CCDC66: variants seen among roughly 807,000 people sequenced by gnomAD.
CCDC66 encodes the protein coiled-coil domain-containing protein 66.
In CCDC66, 133 loss-of-function variants were observed where a neutral mutation model predicts 128.3. The observed-to-expected ratio is 1.04, with a 90% CI of 0.90 to 1.20. The LOEUF (loss-of-function observed/expected upper bound fraction) is 1.20, where lower values mean the gene tolerates loss of function less well. CCDC66 is among the 50% of genes most tolerant of loss of function. CCDC66 has a pLI of 0.00. For synonymous variants in CCDC66, 387 were observed against 357.0 expected, an observed-to-expected ratio of 1.08 and a Z score of -0.95; for missense variants, 1,126 against 1,075.5, an observed-to-expected ratio of 1.05 and a Z score of -0.66.
chr3:56,609,692 T>G (rs2074537127), intron 10 of CCDC66, among the ~76,000 whole-genome samples: 1 of 152,242 alleles, frequency 6.6e-6, no homozygotes, highest in South Asian at 2.1e-4. Flanking sequence ...GGTCCTCCTG[T>G]GTGATTTATG....
In CCDC66 at chr3:56,619,437, T is replaced by C. The variant is rs533442111; in HGVS notation, c.2545T>C (p.Tyr849His). ...GISESSHFIP[Y>H]VRTNEIYYLD... is the part of the protein sequence containing the mutation. The stretch of plus-strand genomic sequence containing the variant: ...TTCTGAATCATCCCATTTTATTCCG[T>C]ATGTTCGAACAAATGAGATCTATTA... The change falls in exon 16 of 18, where the codon TAT becomes CAT. Residue 849 changes from tyrosine (Y) to histidine (H), a missense_variant. Transcript: ENST00000394672. The C allele has an allele frequency of 2.5e-6, 4 of 1,614,040 alleles. No homozygotes were observed. The African/African-American group carries it at 5.3e-5, about 22-fold the overall frequency.
chr3:56,563,595 T>C (rs1577237821), intron 3 of CCDC66, 89 bp from the exon 4 acceptor site: 1 of 1,066,738 alleles, frequency 9.4e-7, no homozygotes, highest in Non-Finnish European at 1.3e-6. Context: ...GAAAAAAGTT[T>C]AGAGGACTGA....
At chr3:56,580,869 A>G (rs28846202) in intron 7 of CCDC66, among the ~76,000 whole-genome samples, 2,034 of 151,766 alleles carry the variant, frequency 0.013, 49 homozygotes, top group African/African-American at 0.045. Context: ...ACTTTGGTGA[A>G]TCTGACAATT....
Position 56,593,495 on chromosome 3 carries a change from A to C in CCDC66, c.1073A>C (p.Glu358Ala), listed in dbSNP as rs1231169263. Residue 358 changes from glutamate to alanine, a missense_variant, in exon 9 of 18, where the codon GAG becomes GCG. Coordinates refer to ENST00000394672, the MANE Select transcript of CCDC66 (RefSeq NM_001141947.3). Reference sequence around the variant, plus strand: ...ATTCTTATTTGTCATCATTAGGGTGAGGAACATGACAGATGGGCAATGCAC... The same window carrying C: ...ATTCTTATTTGTCATCATTAGGGTGCGGAACATGACAGATGGGCAATGCAC... ...IEEKIIYSKG[E>A]EHDRWAMHFD... The C allele has an allele frequency of 6.2e-7, 1 of 1,613,596 alleles. No homozygotes were observed. Among genetic ancestry groups the C allele is most frequent in the East Asian group, 2.2e-5 (1 of 44,870 alleles).
intron 7 of CCDC66, among the ~76,000 whole-genome samples, chr3:56,578,981 A>G (rs2067860589): frequency 1.3e-5 from 2 of 151,818 alleles, no homozygotes; most frequent in African/African-American, 4.8e-5. Context: ...TTTCAGAAGG[A>G]ATGGTACCAG....
chr3:56,564,369 T>A (rs899302648), intron 4 of CCDC66, among the ~76,000 whole-genome samples: 1 of 152,142 alleles, frequency 6.6e-6, no homozygotes, highest in Non-Finnish European at 1.5e-5. Flanking sequence ...TTAGAAAAAA[T>A]GTTAGTACAA....
intron 7 of CCDC66, among the ~76,000 whole-genome samples, chr3:56,584,847 C>A (rs1430651078): frequency 6.6e-6 from 1 of 151,938 alleles, no homozygotes; most frequent in Non-Finnish European, 1.5e-5. Context: ...CCCAGCACCT[C>A]GGGAGGCCGA....
At chr3:56,590,815 G>A (rs998835853) in intron 7 of CCDC66, among the ~76,000 whole-genome samples, 1 of 152,094 alleles carries the variant, frequency 6.6e-6, no homozygotes, top group Non-Finnish European at 1.5e-5. Flanking sequence ...CAGTTTTTAT[G>A]TAGGGGAAGT....
At chr3:56,565,703 A>G (rs538991849) in intron 4 of CCDC66, among the ~76,000 whole-genome samples, 12 of 147,506 alleles carry the variant, frequency 8.1e-5, no homozygotes, top group South Asian at 6.6e-4. Flanking sequence ...GTCTCGCTGC[A>G]TCGCCCAGGC....
intron 7 of CCDC66, among the ~76,000 whole-genome samples, chr3:56,577,378 T>A (rs1277010475): frequency 6.6e-6 from 1 of 151,900 alleles, no homozygotes; most frequent in Non-Finnish European, 1.5e-5. Context: ...AGGTTGCCTG[T>A]TTACTCTGAT....
intron 10 of CCDC66, among the ~76,000 whole-genome samples, chr3:56,605,408 T>C (rs1238300715): frequency 1.3e-5 from 2 of 152,118 alleles, no homozygotes; most frequent in Non-Finnish European, 2.9e-5. Context: ...CTTCATGGAT[T>C]TATCTACCTT....
rs531074786 is a variant in CCDC66 at position 56,593,860 on chromosome 3, T to G, written c.1320-84T>G. On this transcript the variant is annotated intron_variant, in intron 9 of 17. Transcript: ENST00000394672. ...TTGTCTTTGAAATAGAAATAATTAGTAGATTTATCCCAAACAAAAATGATT... is the reference window on the plus strand; with the variant it reads ...TTGTCTTTGAAATAGAAATAATTAGGAGATTTATCCCAAACAAAAATGATT... 2.3e-5 allele frequency: 36 copies of G among 1,579,544 alleles called. No individual in the cohort carries two copies. In the African/African-American group the frequency reaches 4.7e-4, roughly 21 times the overall value.
rs557853866 is a variant in CCDC66 at position 56,585,117 on chromosome 3, G to T, written c.937-7853G>T. 9.3e-5 allele frequency among the ~76,000 whole-genome samples: 11 copies of T among 118,330 alleles called. No homozygotes were observed. The South Asian group carries it at 2.5e-3, about 27-fold the overall frequency. 77.6% of individuals were successfully genotyped at this position (118,330 alleles called of 152,430 possible). On this transcript the variant is annotated intron_variant, in intron 7 of 17. Transcript: ENST00000394672. ...GAGAGGGAGACCATGGGGAGGGGGAGGGGGAGAGGGAGAGGGAGGGAGAGG... is the reference window on the plus strand; with the variant it reads ...GAGAGGGAGACCATGGGGAGGGGGATGGGGAGAGGGAGAGGGAGGGAGAGG...
intron 7 of CCDC66, among the ~76,000 whole-genome samples, 187 bp from the exon 8 acceptor site, chr3:56,592,783 A>G (rs1185028657): frequency 6.6e-6 from 1 of 152,192 alleles, no homozygotes; most frequent in Non-Finnish European, 1.5e-5. Context: ...TATTTAAAAT[A>G]TGATTCTGAG....
chr3:56,564,812 C>T (rs2065573390), intron 4 of CCDC66, among the ~76,000 whole-genome samples: 2 of 151,958 alleles, frequency 1.3e-5, no homozygotes, highest in Non-Finnish European at 1.5e-5. Flanking sequence ...ATGGAGAGGC[C>T]CCACAAATGG....
At chr3:56,565,821 C>T (rs886809666) in intron 4 of CCDC66, among the ~76,000 whole-genome samples, 1 of 150,776 alleles carries the variant, frequency 6.6e-6, no homozygotes, top group Non-Finnish European at 1.5e-5. Context: ...CGCCCGCCAC[C>T]ACGCCCGGCT....
chr3:56,578,646 T>C (rs2067792440), intron 7 of CCDC66, among the ~76,000 whole-genome samples: 4 of 151,828 alleles, frequency 2.6e-5, no homozygotes, highest in South Asian at 2.1e-4. Flanking sequence ...TGAAGGCCTT[T>C]TGTGCAACTA....
chr3:56,607,587 G>A (rs2074250020), intron 10 of CCDC66, among the ~76,000 whole-genome samples: 1 of 152,094 alleles, frequency 6.6e-6, no homozygotes. Flanking sequence ...TCAGCAAACA[G>A]GGACAGTTTG....
chr3:56,620,095 G>C, intron 17 of CCDC66, 194 bp downstream of exon 17: 1 of 441,800 alleles, frequency 2.3e-6, no homozygotes, highest in South Asian at 4.1e-5. Context: ...TGCCGTCTTT[G>C]AGTAGTTCTT....
Sources: gnomAD v4.1 joint callset for allele counts (sites outside exome capture counted in the v4.1 genomes callset) on GRCh38, gnomAD v4.1.1 for gene constraint, MANE v1.5 for transcripts, NCBI Gene and HGNC (gene_info 2026-07-23, HGNC 2026-07-21) for gene names.